COL4A4: variants seen among roughly 807,000 people sequenced by gnomAD.
COL4A4 encodes the protein collagen type IV alpha 4 chain.
COL4A4 carries 105 observed loss-of-function variants against 192.9 expected under a neutral mutation model. The observed-to-expected ratio is 0.54, with a 90% CI of 0.46 to 0.64. The LOEUF is 0.64. Ranked by LOEUF, COL4A4 falls within the 30% of genes least tolerant of loss-of-function variation. The pLI is 0.00. For missense variants in COL4A4, 1,967 were observed against 2,169.3 expected (o/e 0.91, Z 1.85); for synonymous variants, 762 against 769.9 (o/e 0.99, Z 0.17).
intron 28 of COL4A4, 96 bp downstream of exon 28, chr2:227,059,309 T>C (rs954475487): frequency 2.0e-5 from 21 of 1,044,818 alleles, no homozygotes; most frequent in African/African-American, 3.1e-5. Flanking sequence ...GTTTATATTC[T>C]ACATGCCTAA....
chr2:227,043,304 A>G, intron 35 of COL4A4, 120 bp from the exon 36 acceptor site: 2 of 836,476 alleles, frequency 2.4e-6, no homozygotes, highest in Non-Finnish European at 4.0e-6. Context: ...AATAGTTTCT[A>G]TTGGAAAGGA....
intron 25 of COL4A4, among the ~76,000 whole-genome samples, chr2:227,067,631 G>T (rs529507975): frequency 3.3e-5 from 5 of 152,170 alleles, no homozygotes; most frequent in African/African-American, 9.6e-5. Context: ...GGTACATAAC[G>T]AAATGAAGGC....
Position 227,008,260 on chromosome 2 carries a change from C to T in COL4A4, c.4567G>A (p.Ala1523Thr), listed in dbSNP as rs1962640305. The stretch of plus-strand genomic sequence containing the variant: ...CACACCTGGTGGATGTTGCAGTAGG[C>T]AAAGGGCAGCGTGCTAAATACGGGA... ...CLPVFSTLPF[A>T]YCNIHQVCHY... Residue 1523 changes from alanine (A) to threonine (T), a missense_variant, in exon 47 of 48, where the codon GCC (alanine) becomes ACC (threonine). By Grantham distance (58) the Ala-to-Thr change is moderately conservative. Coordinates refer to ENST00000396625, the MANE Select transcript of COL4A4 (RefSeq NM_000092.5). 1 of 1,614,202 alleles carries T rather than the reference C, an allele frequency of 6.2e-7. No individual in the cohort carries two copies. Among genetic ancestry groups the T allele is most frequent in the Non-Finnish European group, 8.5e-7 (1 of 1,180,034 alleles).
intron 19 of COL4A4, 135 bp from the exon 20 acceptor site, chr2:227,094,424 A>T (rs576775043): frequency 3.5e-4 from 282 of 799,910 alleles, no homozygotes; most frequent in Non-Finnish European, 4.7e-4. Context: ...GGAGGTCATT[A>T]TGCTAAGTGA....
At chr2:227,085,318 G>T (rs933746761) in intron 22 of COL4A4, among the ~76,000 whole-genome samples, 1 of 152,084 alleles carries the variant, frequency 6.6e-6, no homozygotes, top group African/African-American at 2.4e-5. Context: ...CAGTGGGAAC[G>T]CAATAACCTT....
chr2:226,991,488 A>G, the COL4A4 span, among the ~76,000 whole-genome samples: 1 of 152,200 alleles, frequency 6.6e-6, no homozygotes, highest in African/African-American at 2.4e-5. Flanking sequence ...CCCATTTTGT[A>G]TATCTCTTAT....
chr2:227,061,184 T>C lies in COL4A4; in HGVS notation c.2057-941A>G, dbSNP rs574620421. Among the ~76,000 whole-genome samples the C allele has an allele frequency of 3.3e-5, 5 of 152,346 alleles. No homozygotes were observed. In the East Asian group the frequency reaches 9.6e-4, roughly 29 times the overall value. Reference sequence around the variant, plus strand: ...CAGCTGCTGAAAGAAATCAAACTTTTTTTTATCCACCCATGACCAGTAAAA... The same window carrying C: ...CAGCTGCTGAAAGAAATCAAACTTTCTTTTATCCACCCATGACCAGTAAAA... On this transcript the variant is annotated intron_variant, in intron 26 of 47. Transcript: ENST00000396625.
rs565656871 is a variant in COL4A4 at position 227,042,720 on chromosome 2, T to C, written c.3397+357A>G. Among the ~76,000 whole-genome samples, 299 of 152,290 alleles carry C rather than the reference T, an allele frequency of 2.0e-3. 1 individual carries two copies. Among genetic ancestry groups the C allele is most frequent in the Middle Eastern group, 0.01 (3 of 294 alleles). On this transcript the variant is annotated intron_variant, in intron 36 of 47. Coordinates refer to ENST00000396625, the MANE Select transcript of COL4A4 (RefSeq NM_000092.5). ...CTCCCTGAGGTCGGGAGTTTGAGGC[T>C]ACAGTGAGCTATGATTGTGCCACCA...
intron 25 of COL4A4, among the ~76,000 whole-genome samples, chr2:227,066,516 T>G (rs2058350758): frequency 6.6e-6 from 1 of 152,244 alleles, no homozygotes; most frequent in South Asian, 2.1e-4. Flanking sequence ...ACAGTGGATC[T>G]TTCGGCAGAA....
At position 227,088,667 on chromosome 2, in the gene COL4A4, G is replaced by A. The variant is rs572051556; in HGVS notation, c.1609C>T (p.Pro537Ser). ...GDPGPPGAEGPPGLPGKHGAS... is the reference protein window; with the variant it reads ...GDPGPPGAEGSPGLPGKHGAS... ...GAGGTACTCACTGGTAGCCCTGGAGGTCCTTCAGCACCAGGAGGTCCTGGG... is the reference window on the plus strand; with the variant it reads ...GAGGTACTCACTGGTAGCCCTGGAGATCCTTCAGCACCAGGAGGTCCTGGG... Residue 537 changes from proline (P) to serine (S), a missense_variant, in exon 22 of 48, where the codon CCT becomes TCT. Pro to Ser is a moderately conservative substitution (Grantham distance 74, BLOSUM62 -1). Transcript: ENST00000396625. 6.2e-7 allele frequency: 1 copy of A among 1,614,000 alleles called. No individual in the cohort carries two copies. The highest frequency in any genetic ancestry group is 1.3e-5 in the African/African-American group (1 of 74,896).
Position 227,077,755 on chromosome 2 carries a change from C to T in COL4A4, c.1987+139G>A, listed in dbSNP as rs558561191. 136 of 741,724 alleles carry T rather than the reference C, an allele frequency of 1.8e-4. 1 individual carries two copies. The Admixed American group carries it at 2.2e-3, about 12-fold the overall frequency. 45.9% of individuals were successfully genotyped at this position (741,724 alleles called of 1,614,324 possible). A position where few individuals can be genotyped will look rare whatever the true frequency, so the allele number is the denominator to read the frequency against. ...GGGTCTAGGGATACAAAAATCTACACGTTAGGTAAAATGTACACTACTCGG... is the reference window on the plus strand; with the variant it reads ...GGGTCTAGGGATACAAAAATCTACATGTTAGGTAAAATGTACACTACTCGG... On this transcript the variant is annotated intron_variant, in intron 25 of 47. Transcript: ENST00000396625.
chr2:227,012,089 C>A (rs1409517048), intron 45 of COL4A4, 92 bp downstream of exon 45: 18 of 984,452 alleles, frequency 1.8e-5, no homozygotes, highest in African/African-American at 3.2e-5. Context: ...TGAATAGGAT[C>A]CAGTTTGGAA....
chr2:227,066,320 A>G (rs937842704), intron 25 of COL4A4, among the ~76,000 whole-genome samples: 25 of 152,066 alleles, frequency 1.6e-4, no homozygotes, highest in Non-Finnish European at 3.2e-4. Context: ...GAACTTCCCC[A>G]ATCTAGCAAG....
chr2:227,010,641 A>G, intron 45 of COL4A4, 140 bp from the exon 46 acceptor site: 1 of 623,828 alleles, frequency 1.6e-6, no homozygotes, highest in Non-Finnish European at 2.7e-6. Context: ...CGCCTTCTGG[A>G]ACGTACACAG....
downstream of COL4A4, chr2:226,998,690 C>A (rs1207767446): frequency 2.0e-5 from 3 of 152,172 alleles, no homozygotes; most frequent in Admixed American, 6.5e-5. Context: ...AATACCTCCT[C>A]ACTCAATTCT....
intron 1 of COL4A4, among the ~76,000 whole-genome samples, chr2:227,150,408 G>C (rs116590531): frequency 6.6e-6 from 1 of 152,122 alleles, no homozygotes; most frequent in African/African-American, 2.4e-5. Flanking sequence ...CCAGTTTGTT[G>C]ACTCCAGTGT....
chr2:227,001,100 CT>C (rs1193019703), downstream of COL4A4, among the ~76,000 whole-genome samples: 146 of 144,106 alleles, frequency 1.0e-3, no homozygotes, highest in Admixed American at 9.6e-4. Flanking sequence ...TTTCTTTTTT[CT>C]TTTTTTTTTT....
At chr2:227,145,802 C>T (rs1301726822) in intron 2 of COL4A4, among the ~76,000 whole-genome samples, 2 of 152,284 alleles carry the variant, frequency 1.3e-5, no homozygotes, top group East Asian at 1.9e-4. Flanking sequence ...GGGTCCAGCC[C>T]ATACTTAATG....
intron 4 of COL4A4, among the ~76,000 whole-genome samples, chr2:227,121,979 C>A (rs531546303): frequency 2.6e-5 from 4 of 152,216 alleles, no homozygotes; most frequent in Non-Finnish European, 4.4e-5. Flanking sequence ...CCTGCCCTTT[C>A]GAAGGACAAC....
Sources: gnomAD v4.1 joint callset for allele counts (sites outside exome capture counted in the v4.1 genomes callset) on GRCh38, gnomAD v4.1.1 for gene constraint, MANE v1.5 for transcripts, NCBI Gene and HGNC (gene_info 2026-07-23, HGNC 2026-07-21) for gene names.